The following ADCY10 variants were observed in gnomAD, a reference collection of about 807,000 sequenced individuals.
ADCY10 encodes adenylate cyclase 10.
ADCY10 carries 156 observed loss-of-function variants against 183.3 expected under a neutral mutation model. That is an observed-to-expected ratio of 0.85 (90% CI 0.75 to 0.97). The LOEUF is 0.97. ADCY10 is among the 50% of genes least tolerant of loss of function. The probability of loss-of-function intolerance (pLI) is 0.00; values close to 1 mark genes in which losing one functional copy is unlikely to be tolerated. For synonymous variants in ADCY10, 645 were observed against 670.0 expected (o/e 0.96, Z 0.58); for missense variants, 1,745 against 1,934.3 (o/e 0.90, Z 1.84).
Position 167,859,869 on chromosome 1 carries a change from T to C in ADCY10, c.1834A>G (p.Arg612Gly). The C allele has an allele frequency of 6.2e-7, 1 of 1,612,938 alleles. No individual in the cohort carries two copies. The highest frequency in any genetic ancestry group is 2.2e-5 in the East Asian group (1 of 44,870). ...TTTTGCTTTTTCAAGGTGCTCATCC[T>C]GGAAATCTCCCGAGAAATAGGGAAC... ...VQFPISREIS[R>G]MSTLKKQKQL... Residue 612 changes from arginine (R) to glycine (G), a missense_variant, in exon 16 of 33, where the codon AGG (arginine) becomes GGG (glycine). Physicochemically the swap from Arg to Gly is moderately radical, Grantham distance 125 (BLOSUM62 -2). Transcript: ENST00000367851.
intron 16 of ADCY10, among the ~76,000 whole-genome samples, chr1:167,857,878 A>C (rs1023369548): frequency 1.3e-5 from 2 of 152,190 alleles, no homozygotes; most frequent in Non-Finnish European, 1.5e-5. Flanking sequence ...CTTCAGCACC[A>C]ACTGAAAAGT....
intron 14 of ADCY10, among the ~76,000 whole-genome samples, chr1:167,869,242 C>T (rs1478629977): frequency 2.6e-5 from 4 of 152,242 alleles, no homozygotes; most frequent in African/African-American, 9.6e-5. Context: ...CTTACTGCTC[C>T]CTTGCTTGCT....
chr1:167,893,831 G>C, intron 8 of ADCY10, 22 bp downstream of exon 8: 1 of 1,570,348 alleles, frequency 6.4e-7, no homozygotes, highest in Non-Finnish European at 8.8e-7. Context: ...CCCAAAGCCA[G>C]TAAATTCAAT....
At chr1:167,837,021 T>C (rs1664259081) in intron 22 of ADCY10, 1 of 519,532 alleles carries the variant, frequency 1.9e-6, no homozygotes, top group Admixed American at 2.9e-5. Flanking sequence ...CGAGACTCCA[T>C]CTTGAAAAAA....
intron 1 of ADCY10, among the ~76,000 whole-genome samples, chr1:167,908,550 C>T (rs999397862): frequency 6.6e-6 from 1 of 152,114 alleles, no homozygotes; most frequent in Non-Finnish European, 1.5e-5. Context: ...TAGATCTTAA[C>T]TGTTCTCACC....
At position 167,829,237 on chromosome 1, in the gene ADCY10, C is replaced by A. The variant is rs766110127; in HGVS notation, c.3750+30G>T. The A allele has an allele frequency of 1.4e-5, 23 of 1,613,246 alleles. No homozygotes were observed. In the African/African-American group the frequency reaches 2.7e-4, roughly 19 times the overall value. On this transcript the variant is annotated intron_variant, in intron 26 of 32. Transcript: ENST00000367851. ...TTTCTTCCCAAATGAAATTCAGAAACTTAAAGGAGCAGCTACAAAAATCCC... is the reference window on the plus strand; with the variant it reads ...TTTCTTCCCAAATGAAATTCAGAAAATTAAAGGAGCAGCTACAAAAATCCC...
Position 167,878,497 on chromosome 1 carries a change from C to T in ADCY10, c.1355G>A (p.Gly452Asp), listed in dbSNP as rs780195354. ...ATACAATGGTCCAGAATCTGCAACACCTTTCATAACTTTCTTTGGAAGCTC... is the reference window on the plus strand; with the variant it reads ...ATACAATGGTCCAGAATCTGCAACATCTTTCATAACTTTCTTTGGAAGCTC... Reference protein sequence around the residue: ...FKELPKKVMKGVADSGPLYQY... With the variant: ...FKELPKKVMKDVADSGPLYQY... The change falls in exon 12 of 33, where the codon GGT (glycine) becomes GAT (aspartate). Residue 452 changes from glycine to aspartate, a missense_variant. By Grantham distance (94) the Gly-to-Asp change is moderately conservative. Transcript: ENST00000367851. 3.7e-6 allele frequency: 6 copies of T among 1,614,174 alleles called. No individual in the cohort carries two copies. The highest frequency in any genetic ancestry group is 5.1e-6 in the Non-Finnish European group (6 of 1,180,028).
At chr1:167,820,517 GGAT>G in intron 30 of ADCY10, 1 of 373,450 alleles carries the variant, frequency 2.7e-6, no homozygotes, top group East Asian at 3.9e-5. Flanking sequence ...AAATAAATTT[GGAT>G]GATTTCTGGA....
chr1:167,854,884 T>A (rs577193599), intron 17 of ADCY10, among the ~76,000 whole-genome samples: 4 of 152,036 alleles, frequency 2.6e-5, no homozygotes, highest in Non-Finnish European at 5.9e-5. Flanking sequence ...GCCAAATTGG[T>A]GCCTGGAGTT....
Position 167,809,816 on chromosome 1 carries a change from C to T in ADCY10, c.4695G>A (p.Glu1565=). 1 of 1,614,118 alleles carries T rather than the reference C, an allele frequency of 6.2e-7. No homozygotes were observed. The highest frequency in any genetic ancestry group is 1.3e-5 in the African/African-American group (1 of 75,038). ...MNKESWYSTS[E]LKEDQWLQTI... ...TCTGAAGCCATTGGTCTTCTTTTAA[C>T]TCAGAGGTTGAGTACCATGATTCCT... The change falls in exon 33 of 33, where the codon GAG becomes GAA. Residue 1565 remains glutamate (E), a synonymous_variant. Coordinates refer to ENST00000367851, the MANE Select transcript of ADCY10 (RefSeq NM_018417.6).
At chr1:167,904,497 C>CAGATA in intron 2 of ADCY10, 1 of 229,992 alleles carries the variant, frequency 4.3e-6, no homozygotes, top group Non-Finnish European at 8.5e-6. Context: ...GAAAAGGCTC[C>CAGATA]AGATATTTCT....
At chr1:167,904,667 T>C (rs1669694435) in intron 2 of ADCY10, 5 of 589,262 alleles carry the variant, frequency 8.5e-6, no homozygotes, top group Middle Eastern at 4.5e-4. Flanking sequence ...GATCATTTCC[T>C]GAGGTCAATT....
Position 167,860,833 on chromosome 1 carries a change from A to G in ADCY10, c.1809+38T>C, listed in dbSNP as rs959664103. On this transcript the variant is annotated intron_variant, in intron 15 of 32. Transcript: ENST00000367851. ...CAGAGAGGAGTTGCTGTGCCTGCCC[A>G]TGGCTATTTGTGCAGAAGTATAATA... The G allele has an allele frequency of 3.2e-6, 5 of 1,573,062 alleles. No homozygotes were observed. The African/African-American group carries it at 4.1e-5, about 13-fold the overall frequency.
intron 9 of ADCY10, 145 bp downstream of exon 9, chr1:167,883,292 C>T: frequency 1.2e-6 from 1 of 851,770 alleles, no homozygotes; most frequent in Non-Finnish European, 1.9e-6. Flanking sequence ...CCCACCTCTG[C>T]CTCCCAAAGA....
intron 28 of ADCY10, among the ~76,000 whole-genome samples, chr1:167,823,604 T>G (rs2269676): frequency 2.0e-4 from 30 of 152,092 alleles, no homozygotes; most frequent in African/African-American, 7.2e-4. Context: ...CCGAAAACCA[T>G]TTATACCCCC....
chr1:167,811,774 G>T (rs1662226857), intron 31 of ADCY10, among the ~76,000 whole-genome samples: 1 of 152,140 alleles, frequency 6.6e-6, no homozygotes, highest in Non-Finnish European at 1.5e-5. Context: ...TGTAATTGAT[G>T]AATTGCTAGA....
chr1:167,837,410 C>A, intron 21 of ADCY10, 92 bp from the exon 22 acceptor site: 1 of 1,135,236 alleles, frequency 8.8e-7, no homozygotes, highest in Admixed American at 1.9e-5. Flanking sequence ...GTTCCCTTTT[C>A]GGAGTTGTTG....
At chr1:167,867,268 T>G (rs544941105) in intron 14 of ADCY10, among the ~76,000 whole-genome samples, 1 of 152,090 alleles carries the variant, frequency 6.6e-6, no homozygotes, top group Non-Finnish European at 1.5e-5. Context: ...CTCTGCAAAG[T>G]GACTCAGAAA....
chr1:167,860,009 G>A (rs1467911471), intron 15 of ADCY10, 116 bp from the exon 16 acceptor site: 1 of 845,020 alleles, frequency 1.2e-6, no homozygotes, highest in African/African-American at 1.7e-5. Flanking sequence ...TCATGTGTTA[G>A]ATAAGTGGTC....
Sources: allele counts gnomAD v4.1 joint callset (sites outside exome capture counted in the v4.1 genomes callset), GRCh38; gene constraint gnomAD v4.1.1; transcripts MANE v1.5; gene names NCBI Gene and HGNC (gene_info 2026-07-23, HGNC 2026-07-21).